TMEM248: variants seen among roughly 807,000 people sequenced by gnomAD.
The protein encoded by TMEM248 is transmembrane protein 248.
In TMEM248, 9 loss-of-function variants were observed where a neutral mutation model predicts 30.3. That is an observed-to-expected ratio of 0.30 (90% CI 0.18 to 0.52). The LOEUF is 0.52. Among genes scored for constraint, TMEM248 ranks in the 20% least tolerant of loss-of-function variants. The pLI is 0.97. For synonymous variants in TMEM248, 184 were observed against 154.4 expected (o/e 1.19, Z -1.42); for missense variants, 338 against 403.3 (o/e 0.84, Z 1.39).
intron 1 of TMEM248, among the ~76,000 whole-genome samples, chr7:66,939,556 T>C (rs182239147): frequency 4.8e-4 from 73 of 152,358 alleles, no homozygotes; most frequent in African/African-American, 1.7e-3. Context: ...TTGCTAATGT[T>C]GTCGCAGTTT....
intron 1 of TMEM248, among the ~76,000 whole-genome samples, chr7:66,928,108 A>G (rs1162180073): frequency 6.6e-6 from 1 of 152,140 alleles, no homozygotes; most frequent in Non-Finnish European, 1.5e-5. Context: ...CCATTTAGTC[A>G]GGAGTCTGAA....
intron 3 of TMEM248, 54 bp from the exon 4 acceptor site, chr7:66,948,490 G>A: frequency 1.3e-6 from 2 of 1,570,730 alleles, no homozygotes; most frequent in Non-Finnish European, 1.7e-6. Context: ...GTATCCCAGA[G>A]AATGACAAGT....
rs1030987354 is a variant in TMEM248, at chr7:66,921,468, C to T, written c.-19+7C>T. On this transcript the variant is annotated splice_region_variant and intron_variant, in intron 1 of 6. Coordinates refer to ENST00000341567, the MANE Select transcript of TMEM248 (RefSeq NM_017994.5). ...AGCTGCCCGCCGGGGCGGGGTGAGC[C>T]GGGGCTGGAGGGCGGGCTGGGGTCG... The T allele has an allele frequency of 6.0e-5, 9 of 150,956 alleles. No homozygotes were observed. Among genetic ancestry groups the T allele is most frequent in the African/African-American group, 2.2e-4 (9 of 41,398 alleles). 9.4% of individuals were successfully genotyped at this position (150,956 alleles called of 1,614,324 possible).
chr7:66,953,536 C>T (rs930731503), intron 6 of TMEM248, among the ~76,000 whole-genome samples, 167 bp downstream of exon 6: 2 of 152,138 alleles, frequency 1.3e-5, no homozygotes, highest in African/African-American at 2.4e-5. Flanking sequence ...TGGTGGATAT[C>T]GAAATTCATG....
In TMEM248 at chr7:66,955,501, G is replaced by A. The variant is rs779792958; in HGVS notation, c.925-1G>A. 6.2e-7 allele frequency: 1 copy of A among 1,613,948 alleles called. No homozygotes were observed. Among genetic ancestry groups the A allele is most frequent in the Non-Finnish European group, 8.5e-7 (1 of 1,180,026 alleles). On this transcript the variant is annotated splice_acceptor_variant, in intron 6 of 6. Coordinates refer to ENST00000341567, the MANE Select transcript of TMEM248 (RefSeq NM_017994.5). LOFTEE classifies it high-confidence loss of function. ...GGTTTCCCTGGCTTGCTGTCTTCCA[G>A]GTGGCTTTGGCTGAAGCCTAATTCC... is the stretch of plus-strand genomic sequence containing the variant.
At chr7:66,944,639 G>T (rs1792045461) in intron 2 of TMEM248, among the ~76,000 whole-genome samples, 1 of 152,228 alleles carries the variant, frequency 6.6e-6, no homozygotes, top group Admixed American at 6.5e-5. Flanking sequence ...TTCTTTTCAA[G>T]TTTGGTTCTG....
chr7:66,943,616 G>A (rs887392923), intron 2 of TMEM248, among the ~76,000 whole-genome samples: 1 of 152,106 alleles, frequency 6.6e-6, no homozygotes. Flanking sequence ...GGATTATGAA[G>A]GACTGAGACT....
chr7:66,931,792 C>CTTT lies in TMEM248; in HGVS notation c.-18-10028_-18-10026dup, dbSNP rs1156882038. On this transcript the variant is annotated intron_variant, in intron 1 of 6. Coordinates refer to ENST00000341567, the MANE Select transcript of TMEM248 (RefSeq NM_017994.5). ...TGTGCCCAACCAGGAGGCCTTCCTCCTTTTTTTTTTTTTTTTTTTTTTTTT... is the reference window on the plus strand; with the variant it reads ...TGTGCCCAACCAGGAGGCCTTCCTCCTTTTTTTTTTTTTTTTTTTTTTTTTTTT... Among the ~76,000 whole-genome samples the CTTT allele has an allele frequency of 3.7e-3, 329 of 88,466 alleles. 48 individuals carry two copies. The highest frequency in any genetic ancestry group is 4.9e-3 in the African/African-American group (92 of 18,780). 58.0% of individuals were successfully genotyped at this position (88,466 alleles called of 152,430 possible). A position where few individuals can be genotyped will look rare whatever the true frequency, so the allele number is the denominator to read the frequency against.
In TMEM248 at chr7:66,958,118, G is replaced by A. The variant is rs552619064; in HGVS notation, c.*2596G>A. 1 of 152,730 alleles carries A rather than the reference G, an allele frequency of 6.5e-6. No homozygotes were observed. Among genetic ancestry groups the A allele is most frequent in the South Asian group, 2.1e-4 (1 of 4,838 alleles). 9.5% of individuals were successfully genotyped at this position (152,730 alleles called of 1,614,324 possible). ...CAGGATTCGAAGTGTGCAACAGACG[G>A]AGTGCGCTTGCTGTTCAGGGCGGCC... On this transcript the variant is annotated 3_prime_UTR_variant, in exon 7 of 7. Coordinates refer to ENST00000341567, the MANE Select transcript of TMEM248 (RefSeq NM_017994.5).
intron 2 of TMEM248, 119 bp downstream of exon 2, chr7:66,942,143 G>A: frequency 9.1e-7 from 1 of 1,103,614 alleles, no homozygotes; most frequent in South Asian, 1.8e-5. Flanking sequence ...AGAAAAATCA[G>A]TATTTATTCA....
intron 3 of TMEM248, among the ~76,000 whole-genome samples, chr7:66,947,966 G>A (rs1754227711): frequency 6.6e-6 from 1 of 151,934 alleles, no homozygotes; most frequent in Non-Finnish European, 1.5e-5. Flanking sequence ...TGTTCAGGCT[G>A]GTCGTGAATT....
chr7:66,936,409 A>T (rs142196196), intron 1 of TMEM248, among the ~76,000 whole-genome samples: 3,815 of 152,316 alleles, frequency 0.025, 83 homozygotes, highest in Middle Eastern at 0.078. Context: ...GATAAATCCC[A>T]CTTGGTCATG....
At chr7:66,952,988 G>A (rs908291405) in intron 5 of TMEM248, among the ~76,000 whole-genome samples, 3 of 152,190 alleles carry the variant, frequency 2.0e-5, no homozygotes, top group Non-Finnish European at 4.4e-5. Context: ...GCAGGGCAGA[G>A]GACAGCGCTA....
chr7:66,927,716 C>T (rs1324606221), intron 1 of TMEM248, among the ~76,000 whole-genome samples: 1 of 151,792 alleles, frequency 6.6e-6, no homozygotes, highest in Non-Finnish European at 1.5e-5. Context: ...CTTGGCCTCC[C>T]AAAGTGTTGG....
chr7:66,926,639 CAAAAAAA>C (rs200106499), intron 1 of TMEM248, among the ~76,000 whole-genome samples: 3 of 86,604 alleles, frequency 3.5e-5, no homozygotes, highest in South Asian at 3.5e-4. Context: ...CCATCTGAAA[CAAAAAAA>C]AAAAAAAAGA....
chr7:66,954,383 ATTT>A (rs557096964), intron 6 of TMEM248, among the ~76,000 whole-genome samples: 8 of 125,302 alleles, frequency 6.4e-5, no homozygotes, highest in Non-Finnish European at 1.0e-4. Context: ...TGCTTTTTTA[ATTT>A]TTTTTTTTTT....
rs1179876999 is a variant in TMEM248, at chr7:66,956,586, A to T, written c.*1064A>T. ...GAAATGGCAACTAGTAGATCAGTAA[A>T]ATTACGAAAACGATGCCTGCAAAAT... On this transcript the variant is annotated 3_prime_UTR_variant, in exon 7 of 7. Coordinates refer to ENST00000341567, the MANE Select transcript of TMEM248 (RefSeq NM_017994.5). The T allele has an allele frequency of 6.6e-6, 1 of 152,206 alleles. No homozygotes were observed. The highest frequency in any genetic ancestry group is 2.4e-5 in the African/African-American group (1 of 41,452). The allele number at this position is 152,206 out of a possible 1,614,324, so 9.4% of individuals were successfully genotyped here.
intron 1 of TMEM248, among the ~76,000 whole-genome samples, chr7:66,926,940 G>A (rs962231696): frequency 7.9e-5 from 12 of 152,112 alleles, no homozygotes; most frequent in African/African-American, 2.9e-4. Flanking sequence ...TACAAGTGCT[G>A]TTTTTCAAAC....
rs1791979143 is a variant in TMEM248 at position 66,942,102 on chromosome 7, T to A, written c.159+78T>A. On this transcript the variant is annotated intron_variant, in intron 2 of 6. Transcript: ENST00000341567. ...AACACCCTGTGGCTTGCCATATAGCTTTCTTGGGTTTTGGCCTTTCTCTCC... is the reference window on the plus strand; with the variant it reads ...AACACCCTGTGGCTTGCCATATAGCATTCTTGGGTTTTGGCCTTTCTCTCC... 4 of 1,467,754 alleles carry A rather than the reference T, an allele frequency of 2.7e-6. No homozygotes were observed. In the East Asian group the frequency reaches 9.3e-5, roughly 34 times the overall value. The allele number at this position is 1,467,754 out of a possible 1,614,324, so 90.9% of individuals were successfully genotyped here.
Sources: gnomAD v4.1 joint callset for allele counts (sites outside exome capture counted in the v4.1 genomes callset) on GRCh38, gnomAD v4.1.1 for gene constraint, MANE v1.5 for transcripts, NCBI Gene and HGNC (gene_info 2026-07-23, HGNC 2026-07-21) for gene names.